The following CENPW variants were observed in gnomAD, a reference collection of about 807,000 sequenced individuals.
CENPW encodes centromere protein W.
A neutral mutation model predicts 11.1 loss-of-function variants in CENPW; 3 were observed. That is an observed-to-expected ratio of 0.27 (90% CI 0.12 to 0.70). CENPW has a LOEUF of 0.70. Among genes scored for constraint, CENPW ranks in the 30% least tolerant of loss-of-function variants. The pLI is 0.77. For synonymous variants in CENPW, 38 were observed against 42.0 expected (o/e 0.91, Z 0.37); for missense variants, 100 against 105.6 (o/e 0.95, Z 0.23).
the CENPW span, among the ~76,000 whole-genome samples, chr6:126,391,334 T>G: frequency 1.3e-5 from 2 of 151,930 alleles, no homozygotes; most frequent in South Asian, 4.1e-4. Flanking sequence ...TTTTTCCTAC[T>G]GAATTGTTTG....
chr6:126,444,912 A>C, the CENPW span, among the ~76,000 whole-genome samples: 1 of 151,034 alleles, frequency 6.6e-6, no homozygotes, highest in African/African-American at 2.4e-5. Context: ...TCTATCCTGG[A>C]GCTTCTCTTT....
chr6:126,467,645 A>C, the CENPW span, among the ~76,000 whole-genome samples: 7 of 152,162 alleles, frequency 4.6e-5, no homozygotes, highest in Admixed American at 2.6e-4. Flanking sequence ...TAAATAAATA[A>C]ATAAATAAAT....
the CENPW span, among the ~76,000 whole-genome samples, chr6:126,388,808 T>A: frequency 1.3e-5 from 2 of 151,960 alleles, no homozygotes; most frequent in East Asian, 3.9e-4. Context: ...ATTGCCTATT[T>A]ACTTTTCTGC....
chr6:126,466,354 T>G, the CENPW span, among the ~76,000 whole-genome samples: 1 of 152,140 alleles, frequency 6.6e-6, no homozygotes, highest in African/African-American at 2.4e-5. Flanking sequence ...TGAACTTTAG[T>G]TGATAAAAGT....
the CENPW span, among the ~76,000 whole-genome samples, chr6:126,373,492 C>T: frequency 1.3e-4 from 20 of 152,212 alleles, no homozygotes; most frequent in African/African-American, 4.1e-4. Flanking sequence ...TAATGGCTTA[C>T]GACAGCAGCA....
At chr6:126,384,115 T>C in the CENPW span, among the ~76,000 whole-genome samples, 1 of 152,020 alleles carries the variant, frequency 6.6e-6, no homozygotes, top group African/African-American at 2.4e-5. Flanking sequence ...AACCATGTAA[T>C]TACATCAAAA....
the CENPW span, among the ~76,000 whole-genome samples, chr6:126,428,809 T>G: frequency 6.6e-6 from 1 of 152,200 alleles, no homozygotes; most frequent in East Asian, 1.9e-4. Flanking sequence ...GATACATAAT[T>G]TTTCTTGACA....
the CENPW span, among the ~76,000 whole-genome samples, chr6:126,410,811 T>G: frequency 6.6e-6 from 1 of 152,078 alleles, no homozygotes; most frequent in African/African-American, 2.4e-5. Flanking sequence ...CTTTGAATTT[T>G]TTAGCTGCAG....
At chr6:126,362,507 C>A in the CENPW span, among the ~76,000 whole-genome samples, 2 of 151,636 alleles carry the variant, frequency 1.3e-5, no homozygotes, top group South Asian at 4.2e-4. Context: ...TCTTCATCCA[C>A]CCTCAGTGTT....
chr6:126,387,277 A>G, the CENPW span, among the ~76,000 whole-genome samples: 1 of 151,936 alleles, frequency 6.6e-6, no homozygotes, highest in Non-Finnish European at 1.5e-5. Flanking sequence ...GCTACTCTCA[A>G]AAATAAATCA....
chr6:126,385,038 G>A, the CENPW span, among the ~76,000 whole-genome samples: 3 of 152,036 alleles, frequency 2.0e-5, no homozygotes, highest in Non-Finnish European at 2.9e-5. Context: ...TTAGAGAAAA[G>A]TAAATCAAAA....
the CENPW span, among the ~76,000 whole-genome samples, chr6:126,465,945 C>T: frequency 6.6e-6 from 1 of 152,008 alleles, no homozygotes; most frequent in African/African-American, 2.4e-5. Context: ...CAATCATACA[C>T]CTAAATGTAA....
the CENPW span, among the ~76,000 whole-genome samples, chr6:126,458,900 G>T: frequency 1.3e-5 from 2 of 151,324 alleles, no homozygotes; most frequent in Non-Finnish European, 3.0e-5. Context: ...GTCTGTGTAG[G>T]AGGTAATAAA....
chr6:126,399,207 A>G, the CENPW span, among the ~76,000 whole-genome samples: 3 of 152,066 alleles, frequency 2.0e-5, no homozygotes, highest in Admixed American at 6.6e-5. Flanking sequence ...TGGTAGTTCT[A>G]AGTTCTTTGA....
At chr6:126,417,320 G>T in the CENPW span, among the ~76,000 whole-genome samples, 1 of 152,120 alleles carries the variant, frequency 6.6e-6, no homozygotes, top group Non-Finnish European at 1.5e-5. Flanking sequence ...CTGGCTCATG[G>T]GCAGAAGGGA....
At chr6:126,393,502 A>T in the CENPW span, among the ~76,000 whole-genome samples, 1 of 151,594 alleles carries the variant, frequency 6.6e-6, no homozygotes, top group Non-Finnish European at 1.5e-5. Context: ...TTATTTCAAT[A>T]AATTTTTCTA....
the CENPW span, among the ~76,000 whole-genome samples, chr6:126,356,192 A>T: frequency 6.6e-6 from 1 of 152,202 alleles, no homozygotes; most frequent in Admixed American, 6.5e-5. Flanking sequence ...CATGGATAAT[A>T]TCCTACTATT....
At chr6:126,464,649 G>T in the CENPW span, among the ~76,000 whole-genome samples, 234 of 152,246 alleles carry the variant, frequency 1.5e-3, 1 homozygote, top group African/African-American at 5.3e-3. Flanking sequence ...GTTTACCAGG[G>T]TCTCTTGGGC....
At chr6:126,410,189 T>C in the CENPW span, among the ~76,000 whole-genome samples, 8 of 152,150 alleles carry the variant, frequency 5.3e-5, no homozygotes. Context: ...AGTCTAGTGG[T>C]GATGAATTTC....
Sources: gnomAD v4.1 joint callset for allele counts (sites outside exome capture counted in the v4.1 genomes callset) on GRCh38, gnomAD v4.1.1 for gene constraint, MANE v1.5 for transcripts, NCBI Gene and HGNC (gene_info 2026-07-23, HGNC 2026-07-21) for gene names.